Variants in DHRSX observed in about 807,000 individuals in gnomAD.
The protein encoded by DHRSX is polyprenol dehydrogenase.
Under a neutral mutation model 34.0 loss-of-function variants are expected in DHRSX, and 31 were observed. The ratio of observed to expected loss-of-function variants is 0.91; its 90% CI spans 0.69 to 1.23. The LOEUF is 1.23. DHRSX is among the 50% of genes most tolerant of loss of function. The probability of loss-of-function intolerance (pLI) is 0.00; values close to 1 mark genes in which losing one functional copy is unlikely to be tolerated. For missense variants in DHRSX, 414 were observed against 428.1 expected (o/e 0.97, Z 0.29); for synonymous variants, 201 against 183.8 (o/e 1.09, Z -0.76).
rs184958803 is a variant in DHRSX, at chrX:2,237,781, G to T, written c.804+5242C>A. 3.5e-3 allele frequency among the ~76,000 whole-genome samples: 537 copies of T among 152,132 alleles called. 2 individuals carry two copies. Among genetic ancestry groups the T allele is most frequent in the African/African-American group, 0.012 (518 of 41,500 alleles). On this transcript the variant is annotated intron_variant, in intron 6 of 6. Transcript: ENST00000334651. Reference sequence around the variant, plus strand: ...AGCCTCCCAAAGTGTTGGGATTACAGGCATGAGCCACCACTCCCAGCCGAT... The same window carrying T: ...AGCCTCCCAAAGTGTTGGGATTACATGCATGAGCCACCACTCCCAGCCGAT...
chrX:2,348,298 G>A (rs1021805600), intron 3 of DHRSX, among the ~76,000 whole-genome samples: 8 of 152,140 alleles, frequency 5.3e-5, no homozygotes, highest in African/African-American at 1.9e-4. Context: ...CACTAAGCTT[G>A]GTGCAGATTA....
Position 2,356,504 on chromosome X carries a change from G to T in DHRSX, c.286+52241C>A, listed in dbSNP as rs1487401265. 2.6e-5 allele frequency among the ~76,000 whole-genome samples: 4 copies of T among 152,238 alleles called. No homozygotes were observed. In the Middle Eastern group the frequency reaches 0.01, roughly 388 times the overall value. On this transcript the variant is annotated intron_variant, in intron 3 of 6. Transcript: ENST00000334651. ...TTGGAGAAAAGAACATGAAAGAGAAGGAAACCAGTTGAGAGGCAACATCCA... is the reference window on the plus strand; with the variant it reads ...TTGGAGAAAAGAACATGAAAGAGAATGAAACCAGTTGAGAGGCAACATCCA...
chrX:2,284,236 G>GTTCATTCATTAGAATTCATTCA (rs2041775366), intron 4 of DHRSX, among the ~76,000 whole-genome samples: 1 of 151,750 alleles, frequency 6.6e-6, no homozygotes, highest in East Asian at 1.9e-4. Context: ...GAATTCATTT[G>GTTCATTCATTAGAATTCATTCA]TTCATTCATT....
intron 6 of DHRSX, among the ~76,000 whole-genome samples, chrX:2,224,809 CAA>C (rs1439204634): frequency 1.8e-4 from 27 of 151,588 alleles, no homozygotes; most frequent in African/African-American, 6.1e-4. Flanking sequence ...TACATGTACA[CAA>C]ACTCACATGA....
intron 1 of DHRSX, among the ~76,000 whole-genome samples, chrX:2,462,923 T>G (rs193292083): frequency 2.7e-3 from 412 of 152,150 alleles, no homozygotes; most frequent in African/African-American, 9.4e-3. Context: ...CCTAAGACAA[T>G]GGTGTCAGGA....
At chrX:2,276,434 C>G (rs1255605165) in intron 4 of DHRSX, among the ~76,000 whole-genome samples, 2 of 152,122 alleles carry the variant, frequency 1.3e-5, no homozygotes, top group Non-Finnish European at 1.5e-5. Flanking sequence ...GTGGAAAATA[C>G]AGAATAAAAC....
At chrX:2,243,788 G>GTTTTTTTTTTTTTTTTTTTTTTTTTTTTT (rs778957532) in intron 5 of DHRSX, among the ~76,000 whole-genome samples, 1 of 25,174 alleles carries the variant, frequency 4.0e-5, no homozygotes. Flanking sequence ...TATGCTCCCT[G>GTTTTTTTTTTTTTTTTTTTTTTTTTTTTT]TTTTTTTTTT....
intron 4 of DHRSX, among the ~76,000 whole-genome samples, chrX:2,269,874 T>C (rs975846523): frequency 1.3e-5 from 2 of 152,188 alleles, no homozygotes; most frequent in Non-Finnish European, 2.9e-5. Context: ...TGTATATATC[T>C]ATAGGTCTAG....
intron 1 of DHRSX, among the ~76,000 whole-genome samples, chrX:2,446,032 G>T (rs1186838642): frequency 3.3e-5 from 5 of 151,862 alleles, no homozygotes; most frequent in Non-Finnish European, 7.4e-5. Context: ...ATTCACTAAA[G>T]ACATTCCCTA....
At chrX:2,390,340 G>C (rs2043321246) in intron 3 of DHRSX, among the ~76,000 whole-genome samples, 1 of 150,644 alleles carries the variant, frequency 6.6e-6, no homozygotes, top group Non-Finnish European at 1.5e-5. Context: ...GTTTCTCCAT[G>C]TTGGTCAGGC....
At chrX:2,397,677 C>A (rs1195764575) in intron 3 of DHRSX, among the ~76,000 whole-genome samples, 1 of 151,672 alleles carries the variant, frequency 6.6e-6, no homozygotes, top group Admixed American at 6.6e-5. Flanking sequence ...TAATTCTTAT[C>A]TGTTAAATAG....
chrX:2,382,687 T>C (rs1485531419), intron 3 of DHRSX, among the ~76,000 whole-genome samples: 1 of 113,790 alleles, frequency 8.8e-6, no homozygotes, highest in Non-Finnish European at 1.9e-5. Flanking sequence ...ACCATCACCA[T>C]CATCACCATC....
chrX:2,373,984 C>T lies in DHRSX; in HGVS notation c.286+34761G>A, dbSNP rs190182748. 2.3e-3 allele frequency among the ~76,000 whole-genome samples: 350 copies of T among 152,274 alleles called. 1 individual carries two copies. Among genetic ancestry groups the T allele is most frequent in the African/African-American group, 8.1e-3 (338 of 41,556 alleles). On this transcript the variant is annotated intron_variant, in intron 3 of 6. Transcript: ENST00000334651. The stretch of plus-strand genomic sequence containing the variant: ...AAAGTAAGTTCCTGTAGCATCTTAG[C>T]ATAGCAAGTTTGAGAAACAGTCGTG...
chrX:2,454,792 A>G (rs2044272937), intron 1 of DHRSX, among the ~76,000 whole-genome samples: 1 of 152,098 alleles, frequency 6.6e-6, no homozygotes. Context: ...GAGCATATAC[A>G]CTATGGAATA....
intron 1 of DHRSX, chrX:2,486,620 A>G (rs769867685): frequency 5.7e-4 from 87 of 152,366 alleles, no homozygotes; most frequent in African/African-American, 2.1e-3. Context: ...GCAATGCTAC[A>G]GAATGGAGCC....
intron 1 of DHRSX, among the ~76,000 whole-genome samples, chrX:2,427,613 G>A (rs2043866020): frequency 6.6e-6 from 1 of 152,074 alleles, no homozygotes; most frequent in African/African-American, 2.4e-5. Context: ...ACAAGACAAG[G>A]ACAGAGAGGG....
At chrX:2,446,463 GTC>G (rs1417514969) in intron 1 of DHRSX, among the ~76,000 whole-genome samples, 1 of 127,368 alleles carries the variant, frequency 7.9e-6, no homozygotes, top group Non-Finnish European at 1.7e-5. Context: ...ACTGAAGACG[GTC>G]TCGAGGCTTG....
chrX:2,333,953 AT>A (rs2042517113), intron 3 of DHRSX, among the ~76,000 whole-genome samples: 1 of 152,168 alleles, frequency 6.6e-6, no homozygotes, highest in African/African-American at 2.4e-5. Context: ...GCTGCACAGT[AT>A]TCCACGACGT....
At chrX:2,448,476 AC>A (rs1449529097) in intron 1 of DHRSX, among the ~76,000 whole-genome samples, 13 of 150,926 alleles carry the variant, frequency 8.6e-5, no homozygotes, top group African/African-American at 3.2e-4. Flanking sequence ...TATTCTGACC[AC>A]AAAAAAAAGT....
Sources: gnomAD v4.1 joint callset for allele counts (sites outside exome capture counted in the v4.1 genomes callset) on GRCh38, gnomAD v4.1.1 for gene constraint, MANE v1.5 for transcripts, NCBI Gene and HGNC (gene_info 2026-07-23, HGNC 2026-07-21) for gene names.